The following GLIS1 variants were observed in gnomAD, a reference collection of about 807,000 sequenced individuals.
GLIS1 encodes the protein zinc finger protein GLIS1.
In GLIS1, 24 loss-of-function variants were observed where a neutral mutation model predicts 63.8. That is an observed-to-expected ratio of 0.38 (90% confidence interval 0.27 to 0.53). The LOEUF (loss-of-function observed/expected upper bound fraction) is 0.53, where lower values mean the gene tolerates loss of function less well. Ranked by LOEUF, GLIS1 falls within the 20% of genes least tolerant of loss-of-function variation. The pLI, the probability that GLIS1 is intolerant of heterozygous loss-of-function variation, is 0.85. For synonymous variants in GLIS1, 450 were observed against 482.5 expected (o/e 0.93, Z 0.88); for missense variants, 1,036 against 1,074.1 (o/e 0.96, Z 0.50).
At chr1:53,723,635 C>T (rs1475095759) in intron 2 of GLIS1, among the ~76,000 whole-genome samples, 3 of 152,068 alleles carry the variant, frequency 2.0e-5, no homozygotes, top group Non-Finnish European at 4.4e-5. Flanking sequence ...AAGAAATCTA[C>T]CAAAATGTAA....
intron 4 of GLIS1, among the ~76,000 whole-genome samples, chr1:53,580,351 A>T (rs527541336): frequency 2.6e-5 from 4 of 152,240 alleles, no homozygotes; most frequent in African/African-American, 9.6e-5. Context: ...CTGTACACAA[A>T]GGTCAGGGAG....
At chr1:53,706,232 A>G (rs190836668) in intron 2 of GLIS1, among the ~76,000 whole-genome samples, 2 of 152,260 alleles carry the variant, frequency 1.3e-5, no homozygotes, top group East Asian at 3.9e-4. Flanking sequence ...GCTTCCTACA[A>G]ACTGCAGTCA....
intron 4 of GLIS1, among the ~76,000 whole-genome samples, chr1:53,533,718 G>A (rs1644554614): frequency 6.6e-6 from 1 of 152,206 alleles, no homozygotes; most frequent in African/African-American, 2.4e-5. Flanking sequence ...GACACGCCAG[G>A]GGCCTTGAGG....
At chr1:53,532,992 C>T (rs139981625) in intron 4 of GLIS1, among the ~76,000 whole-genome samples, 1 of 152,376 alleles carries the variant, frequency 6.6e-6, no homozygotes, top group East Asian at 1.9e-4. Flanking sequence ...CCAACTGCCT[C>T]TCCCATGCAG....
intron 4 of GLIS1, among the ~76,000 whole-genome samples, chr1:53,578,117 C>A (rs575211445): frequency 2.6e-5 from 4 of 152,300 alleles, no homozygotes; most frequent in Admixed American, 2.6e-4. Flanking sequence ...GCTACAGACT[C>A]CTTGAGTAAA....
At chr1:53,661,274 G>A (rs1475578920) in intron 2 of GLIS1, among the ~76,000 whole-genome samples, 3 of 152,086 alleles carry the variant, frequency 2.0e-5, no homozygotes, top group Non-Finnish European at 4.4e-5. Flanking sequence ...TTGGAGGAGG[G>A]GGCACTTGAG....
chr1:53,567,424 T>C (rs1296592725), intron 4 of GLIS1, among the ~76,000 whole-genome samples: 2 of 152,204 alleles, frequency 1.3e-5, no homozygotes, highest in Non-Finnish European at 2.9e-5. Flanking sequence ...AAGCAGAGCA[T>C]AAAATGTTTG....
intron 2 of GLIS1, among the ~76,000 whole-genome samples, chr1:53,685,607 T>G (rs1335744982): frequency 4.0e-5 from 6 of 150,926 alleles, no homozygotes; most frequent in Non-Finnish European, 8.8e-5. Flanking sequence ...GTTCTTTGTG[T>G]TTTTTCCCCT....
chr1:53,520,685 C>A lies in GLIS1; in HGVS notation c.1675G>T (p.Ala559Ser), dbSNP rs760789639. The change falls in exon 7 of 11, where the codon GCT (alanine) becomes TCT (serine). Residue 559 changes from alanine (A) to serine (S), a missense_variant. By Grantham distance (99) the Ala-to-Ser change is moderately conservative (BLOSUM62 1). Coordinates refer to ENST00000628545, the MANE Select transcript of GLIS1 (RefSeq NM_001367484.1). The stretch of plus-strand genomic sequence containing the variant: ...CAGCCACCCTTGCCGTCGCTGGCAG[C>A]CAGCTGTGTGGACGTGTGGAGCTGC... ...LQQLHTSTQL[A>S]ASDGKGGCGL... The A allele has an allele frequency of 6.2e-6, 10 of 1,609,870 alleles. No homozygotes were observed. The South Asian group carries it at 1.1e-4, about 18-fold the overall frequency.
At chr1:53,726,699 C>G (rs1646809053) in intron 2 of GLIS1, among the ~76,000 whole-genome samples, 1 of 152,078 alleles carries the variant, frequency 6.6e-6, no homozygotes, top group South Asian at 2.1e-4. Context: ...GCAGCCCACA[C>G]CCTCCTCCCT....
At chr1:53,558,704 G>T (rs1644857197) in intron 4 of GLIS1, among the ~76,000 whole-genome samples, 1 of 152,164 alleles carries the variant, frequency 6.6e-6, no homozygotes, top group Non-Finnish European at 1.5e-5. Flanking sequence ...TGGCCCAGAG[G>T]AGCTTTTAGC....
Position 53,658,856 on chromosome 1 carries a change from C to T in GLIS1, c.260-58578G>A, listed in dbSNP as rs191825351. ...TCTCTCCCCCAATACAGGGCCCCAC[C>T]CAGAGTAGGCACAAAGAAGCTGGTT... On this transcript the variant is annotated intron_variant, in intron 2 of 10. Transcript: ENST00000628545. Among the ~76,000 whole-genome samples, 82 of 152,256 alleles carry T rather than the reference C, an allele frequency of 5.4e-4. 1 individual carries two copies. In the East Asian group the frequency reaches 0.013, roughly 24 times the overall value.
intron 2 of GLIS1, among the ~76,000 whole-genome samples, chr1:53,712,537 C>T (rs948872846): frequency 6.6e-6 from 1 of 152,214 alleles, no homozygotes; most frequent in Admixed American, 6.5e-5. Flanking sequence ...ACCTGTGCAG[C>T]TCTGGTCACA....
At chr1:53,555,123 G>C (rs943705204) in intron 4 of GLIS1, among the ~76,000 whole-genome samples, 16 of 152,188 alleles carry the variant, frequency 1.1e-4, no homozygotes, top group African/African-American at 3.9e-4. Flanking sequence ...TCCCCACTCA[G>C]GCGACATCGC....
At chr1:53,596,739 A>C (rs1267327903) in intron 3 of GLIS1, among the ~76,000 whole-genome samples, 1 of 152,040 alleles carries the variant, frequency 6.6e-6, no homozygotes, top group Admixed American at 6.6e-5. Flanking sequence ...AGCTCCAGTC[A>C]TGAGGTACAG....
At chr1:53,554,576 G>A (rs186840071) in intron 4 of GLIS1, among the ~76,000 whole-genome samples, 39 of 152,280 alleles carry the variant, frequency 2.6e-4, no homozygotes, top group African/African-American at 7.5e-4. Context: ...GGACTAGTCC[G>A]GAGGCTCATC....
chr1:53,726,099 G>A (rs954151851), intron 2 of GLIS1, among the ~76,000 whole-genome samples: 5 of 152,232 alleles, frequency 3.3e-5, no homozygotes, highest in Non-Finnish European at 1.5e-5. Context: ...AGAGATAAAT[G>A]ACAAACAGCA....
At chr1:53,507,775 G>A (rs1412993674) in intron 10 of GLIS1, among the ~76,000 whole-genome samples, 1 of 152,130 alleles carries the variant, frequency 6.6e-6, no homozygotes, top group Non-Finnish European at 1.5e-5. Flanking sequence ...GCCGGGGTGG[G>A]GTGTGGAAGC....
intron 2 of GLIS1, among the ~76,000 whole-genome samples, chr1:53,712,902 C>A (rs1646660376): frequency 6.6e-6 from 1 of 152,016 alleles, no homozygotes; most frequent in Admixed American, 6.6e-5. Context: ...GTAAAAGGAG[C>A]CCAAATGTGA....
Sources: allele counts gnomAD v4.1 joint callset (sites outside exome capture counted in the v4.1 genomes callset), GRCh38; gene constraint gnomAD v4.1.1; transcripts MANE v1.5; gene names NCBI Gene and HGNC (gene_info 2026-07-23, HGNC 2026-07-21).